Variants in FGD6 observed in about 807,000 individuals in gnomAD.
FGD6 encodes the protein FYVE, RhoGEF and PH domain containing 6.
In FGD6, 90 loss-of-function variants were observed where a neutral mutation model predicts 149.4. The observed-to-expected ratio is 0.60, with a 90% CI of 0.51 to 0.72. The LOEUF (loss-of-function observed/expected upper bound fraction) is 0.72, where lower values mean the gene tolerates loss of function less well. FGD6 is among the 30% of genes least tolerant of loss of function. The pLI is 0.00. For synonymous variants in FGD6, 527 were observed against 584.0 expected, an observed-to-expected ratio of 0.90 and a Z score of 1.41; for missense variants, 1,437 against 1,684.8, an observed-to-expected ratio of 0.85 and a Z score of 2.57.
In FGD6 at chr12:95,208,964, CTT is replaced by C. The variant is rs1344726011; in HGVS notation, c.2318_2319del (p.Gln773ArgfsTer14). On this transcript the variant is annotated frameshift_variant, in exon 2 of 21. Transcript: ENST00000343958. LOFTEE classifies it high-confidence loss of function. Reference sequence around the variant, plus strand: ...CTGCTGGAATTCTGCCATTCCAACTCTTGAGTTTTCCGTATAGCCATAATAAA... The same window carrying C: ...CTGCTGGAATTCTGCCATTCCAACTCGAGTTTTCCGTATAGCCATAATAAA... ...LPFIMAIRKT[Q>X]ELEWQNSSSM... 3 of 1,614,142 alleles carry C rather than the reference CTT, an allele frequency of 1.9e-6. No homozygotes were observed. The highest frequency in any genetic ancestry group is 2.5e-6 in the Non-Finnish European group (3 of 1,180,026).
chr12:95,158,113 T>C (rs980931406), intron 3 of FGD6, among the ~76,000 whole-genome samples: 1 of 150,640 alleles, frequency 6.6e-6, no homozygotes, highest in East Asian at 2.0e-4. Flanking sequence ...CCCAAAGTGC[T>C]TGCTGGGATT....
Position 95,149,993 on chromosome 12 carries a change from TACACACACACACACAC to T in FGD6, c.2685+2802_2685+2817del, listed in dbSNP as rs10652699. ...ATAGTATACTATATATGCTATATAT[TACACACACACACACAC>T]ACACACACACACACACACACACACT... On this transcript the variant is annotated intron_variant, in intron 5 of 20. Coordinates refer to ENST00000343958, the MANE Select transcript of FGD6 (RefSeq NM_018351.4). Among the ~76,000 whole-genome samples the T allele has an allele frequency of 6.5e-4, 86 of 132,000 alleles. 1 individual carries two copies. The East Asian group carries it at 0.011, about 16-fold the overall frequency. 86.6% of individuals were successfully genotyped at this position (132,000 alleles called of 152,430 possible).
In FGD6 at chr12:95,216,402, TAATACATA is replaced by T. The variant is rs575971694; in HGVS notation, c.16+815_16+822del. ...GTAAAATAACCCATAACACTCTACT[TAATACATA>T]AGTTCTGGTTTAAAAATTAACCTAT... On this transcript the variant is annotated intron_variant, in intron 1 of 20. Coordinates refer to ENST00000343958, the MANE Select transcript of FGD6 (RefSeq NM_018351.4). 5.8e-3 allele frequency among the ~76,000 whole-genome samples: 878 copies of T among 152,300 alleles called. 4 individuals carry two copies. The highest frequency in any genetic ancestry group is 9.6e-3 in the Non-Finnish European group (654 of 68,028).
chr12:95,086,734 G>C (rs1483527943), intron 18 of FGD6, among the ~76,000 whole-genome samples: 2 of 147,504 alleles, frequency 1.4e-5, no homozygotes, highest in East Asian at 2.0e-4. Context: ...TTTTAGTAGA[G>C]ATGGGGTTTC....
intron 18 of FGD6, among the ~76,000 whole-genome samples, chr12:95,087,458 T>C (rs549424963): frequency 2.0e-5 from 3 of 152,276 alleles, no homozygotes; most frequent in Admixed American, 6.5e-5. Flanking sequence ...AGTAGCAATG[T>C]TGAGAGGTCC....
At chr12:95,148,039 A>C (rs1313543731) in intron 5 of FGD6, among the ~76,000 whole-genome samples, 3 of 152,082 alleles carry the variant, frequency 2.0e-5, no homozygotes, top group African/African-American at 7.2e-5. Flanking sequence ...AAACAAAGGT[A>C]CTCTGAACAA....
rs79045560 is a variant in FGD6 at position 95,172,747 on chromosome 12, G to T, written c.2442-3C>A. Reference sequence around the variant, plus strand: ...GTTCCTCCTGGGATGCTCCTGAACTGCATTCAACAGAAAGCAGGTATTAGT... The same window carrying T: ...GTTCCTCCTGGGATGCTCCTGAACTTCATTCAACAGAAAGCAGGTATTAGT... On this transcript the variant is annotated splice_region_variant and splice_polypyrimidine_tract_variant and intron_variant, in intron 2 of 20. Transcript: ENST00000343958. 1 of 1,575,528 alleles carries T rather than the reference G, an allele frequency of 6.3e-7. No homozygotes were observed. The highest frequency in any genetic ancestry group is 1.3e-5 in the African/African-American group (1 of 74,140).
chr12:95,098,880 T>TTTC (rs1481317099), intron 14 of FGD6, among the ~76,000 whole-genome samples: 4 of 150,076 alleles, frequency 2.7e-5, no homozygotes, highest in Non-Finnish European at 5.9e-5. Flanking sequence ...TTTTTTTTTT[T>TTTC]TTTTTTTGAG....
At chr12:95,178,482 G>A (rs1299965678) in intron 2 of FGD6, among the ~76,000 whole-genome samples, 5 of 152,232 alleles carry the variant, frequency 3.3e-5, no homozygotes, top group East Asian at 3.9e-4. Flanking sequence ...TCAGTAATAC[G>A]TAAGGCTATG....
intron 3 of FGD6, among the ~76,000 whole-genome samples, chr12:95,169,373 C>G (rs1421177393): frequency 6.6e-6 from 1 of 150,978 alleles, no homozygotes; most frequent in African/African-American, 2.4e-5. Context: ...CCATGATTAA[C>G]TAAAGAAATA....
At chr12:95,157,557 ACT>A (rs1463265324) in intron 3 of FGD6, among the ~76,000 whole-genome samples, 1 of 100,424 alleles carries the variant, frequency 1.0e-5, no homozygotes, top group Admixed American at 1.3e-4. Flanking sequence ...CAAGAGCAAA[ACT>A]CTGTCTCAAA....
At chr12:95,188,410 T>C (rs1175145630) in intron 2 of FGD6, among the ~76,000 whole-genome samples, 1 of 152,068 alleles carries the variant, frequency 6.6e-6, no homozygotes, top group Non-Finnish European at 1.5e-5. Flanking sequence ...GAGGACATGT[T>C]ACCACAGACA....
Position 95,089,397 on chromosome 12 carries a change from C to T in FGD6, c.3978+172G>A, listed in dbSNP as rs543112361. ...CATTTTCTAAATGACTTAGGTCAGA[C>T]GGGAGACCAAGCAAGATTGTGAGGC... On this transcript the variant is annotated intron_variant, in intron 18 of 20. Transcript: ENST00000343958. Among the ~76,000 whole-genome samples, 16 of 152,296 alleles carry T rather than the reference C, an allele frequency of 1.1e-4. No homozygotes were observed. In the South Asian group the frequency reaches 2.1e-3, roughly 20 times the overall value.
chr12:95,184,254 A>G lies in FGD6; in HGVS notation c.2442-11510T>C, dbSNP rs1458969395. The stretch of plus-strand genomic sequence containing the variant: ...GTATCAGTTTCCAATAGGAACTACA[A>G]TCATATCTGGGATTTCCCACTAACA... On this transcript the variant is annotated intron_variant, in intron 2 of 20. Coordinates refer to ENST00000343958, the MANE Select transcript of FGD6 (RefSeq NM_018351.4). 2.6e-5 allele frequency among the ~76,000 whole-genome samples: 4 copies of G among 152,182 alleles called. No homozygotes were observed. In the East Asian group the frequency reaches 7.7e-4, roughly 29 times the overall value.
chr12:95,149,993 TACACACACACACACACACAC>T (rs10652699), intron 5 of FGD6, among the ~76,000 whole-genome samples: 9 of 132,000 alleles, frequency 6.8e-5, no homozygotes, highest in Middle Eastern at 3.8e-3. Context: ...TGCTATATAT[TACACACACACACACACACAC>T]ACACACACAC....
At chr12:95,099,857 C>T (rs1488562991) in intron 14 of FGD6, among the ~76,000 whole-genome samples, 1 of 152,122 alleles carries the variant, frequency 6.6e-6, no homozygotes, top group Non-Finnish European at 1.5e-5. Flanking sequence ...AACTGTAACT[C>T]ACATTTAATC....
chr12:95,129,893 C>T (rs146094473), intron 8 of FGD6, among the ~76,000 whole-genome samples: 3 of 152,158 alleles, frequency 2.0e-5, no homozygotes, highest in Non-Finnish European at 2.9e-5. Context: ...AGGCTGGTCT[C>T]GAACTTCTGA....
At chr12:95,112,060 CCT>C (rs1878842020) in intron 9 of FGD6, among the ~76,000 whole-genome samples, 2 of 151,436 alleles carry the variant, frequency 1.3e-5, no homozygotes, top group African/African-American at 4.9e-5. Flanking sequence ...ATAGTGAAAC[CCT>C]GTCTCTACAA....
At chr12:95,167,977 G>A (rs570683953) in intron 3 of FGD6, among the ~76,000 whole-genome samples, 45 of 152,184 alleles carry the variant, frequency 3.0e-4, no homozygotes, top group African/African-American at 1.1e-3. Context: ...TCATCCTTTT[G>A]CAGGTGGATA....
Sources: gnomAD v4.1 joint callset for allele counts (sites outside exome capture counted in the v4.1 genomes callset) on GRCh38, gnomAD v4.1.1 for gene constraint, MANE v1.5 for transcripts, NCBI Gene and HGNC (gene_info 2026-07-23, HGNC 2026-07-21) for gene names.